The following SNAPC4 variants were observed in gnomAD, a reference collection of about 807,000 sequenced individuals.
SNAPC4 encodes the protein small nuclear RNA activating complex polypeptide 4.
In SNAPC4, 127 loss-of-function variants were observed where a neutral mutation model predicts 151.3. The observed-to-expected ratio is 0.84, with a 90% CI of 0.73 to 0.97. SNAPC4 has a LOEUF of 0.97. Among genes scored for constraint, SNAPC4 ranks in the 50% least tolerant of loss-of-function variants. The pLI is 0.00. For synonymous variants in SNAPC4, 1,002 were observed against 824.4 expected, an observed-to-expected ratio of 1.22 and a Z score of -3.69; for missense variants, 2,186 against 1,935.0, an observed-to-expected ratio of 1.13 and a Z score of -2.43.
At chr9:136,380,689 C>T (rs373557388) in intron 20 of SNAPC4, 51 bp downstream of exon 20, 26 of 1,077,836 alleles carry the variant, frequency 2.4e-5, no homozygotes, top group Admixed American at 7.3e-5. Flanking sequence ...CCCACTCCAA[C>T]GCCGGGGCGG....
chr9:136,381,259 C>A, intron 19 of SNAPC4, 63 bp downstream of exon 19: 2 of 1,386,676 alleles, frequency 1.4e-6, no homozygotes, highest in Middle Eastern at 1.8e-4. Flanking sequence ...CTGCAGATTT[C>A]AAAACTTCAC....
chr9:136,394,918 T>C (rs907935126), intron 5 of SNAPC4, 40 bp from the exon 6 acceptor site: 3 of 1,574,186 alleles, frequency 1.9e-6, no homozygotes, highest in Admixed American at 1.7e-5. Context: ...ACAGGCCACA[T>C]GTGCTCCCTG....
chr9:136,392,400 G>C (rs955068693), intron 9 of SNAPC4, 122 bp downstream of exon 9: 2 of 1,009,372 alleles, frequency 2.0e-6, no homozygotes, highest in Non-Finnish European at 3.1e-6. Context: ...CGGGTGGGTG[G>C]GGGGTCACAG....
intron 5 of SNAPC4, 41 bp from the exon 6 acceptor site, chr9:136,394,919 G>T: frequency 6.4e-7 from 1 of 1,572,890 alleles, no homozygotes; most frequent in Non-Finnish European, 8.7e-7. Context: ...CAGGCCACAT[G>T]TGCTCCCTGC....
chr9:136,381,485 C>A (rs948849054), intron 18 of SNAPC4, 93 bp from the exon 19 acceptor site: 2 of 1,189,172 alleles, frequency 1.7e-6, no homozygotes, highest in African/African-American at 1.5e-5. Flanking sequence ...ACGTGCCTTT[C>A]GAGGCGGCTC....
At chr9:136,388,362 G>T in intron 11 of SNAPC4, 82 bp downstream of exon 11, 1 of 1,449,662 alleles carries the variant, frequency 6.9e-7, no homozygotes, top group African/African-American at 1.4e-5. Context: ...TTGCTTCTCT[G>T]TGAATTTTCC....
At chr9:136,392,626 G>A (rs753720455) in intron 8 of SNAPC4, 32 bp from the exon 9 acceptor site, 35 of 1,613,384 alleles carry the variant, frequency 2.2e-5, no homozygotes, top group South Asian at 7.7e-5. Flanking sequence ...TTGGCACCAC[G>A]CCTGGCTTGT....
intron 6 of SNAPC4, 26 bp downstream of exon 6, chr9:136,394,774 G>T: frequency 6.2e-7 from 1 of 1,607,210 alleles, no homozygotes; most frequent in South Asian, 1.1e-5. Flanking sequence ...GCTCAGGGGT[G>T]CCGCAGGGCC....
In SNAPC4 at chr9:136,383,957, A is replaced by T. The variant is rs1833803690; in HGVS notation, c.1496T>A (p.Met499Lys). Residue 499 changes from methionine to lysine, a missense_variant, in exon 15 of 24, where the codon ATG becomes AAG. Transcript: ENST00000684778. The surrounding 1 kb of genome is among the most constrained non-coding windows in gnomAD (Gnocchi z 4.2). ...SQCLSKWKIM[M>K]GKKQGLRRRR... ...AAGAAGGAGCGAGTGGCTCACCCCC[A>T]TCATGATCTTCCACTTGCTCAGACA... The T allele has an allele frequency of 6.2e-7, 1 of 1,611,788 alleles. No homozygotes were observed.
rs1403376681 is a variant in SNAPC4, at chr9:136,383,470, GGACCATGTACTGT to G, written c.1686_1698del (p.Gln563ArgfsTer101). On this transcript the variant is annotated frameshift_variant, in exon 16 of 24. Transcript: ENST00000684778. LOFTEE classifies it high-confidence loss of function. The surrounding 1 kb of genome is among the most constrained non-coding windows in gnomAD (Gnocchi z 4.2). ...GCAGGAACCCACAGGTCCATGTCCGGGACCATGTACTGTGGGGACAGCAGCGCTCTGTCACCCT... is the reference window on the plus strand; with the variant it reads ...GCAGGAACCCACAGGTCCATGTCCGGGGGGACAGCAGCGCTCTGTCACCCT... The G allele has an allele frequency of 3.8e-6, 6 of 1,564,630 alleles. No individual in the cohort carries two copies. Among genetic ancestry groups the G allele is most frequent in the Non-Finnish European group, 5.2e-6 (6 of 1,154,810 alleles).
chr9:136,394,411 G>C, intron 6 of SNAPC4, 81 bp from the exon 7 acceptor site: 1 of 1,310,476 alleles, frequency 7.6e-7, no homozygotes, highest in South Asian at 1.2e-5. Flanking sequence ...TGCACTTCCC[G>C]AGGCAGTGGT....
chr9:136,387,363 C>T, intron 13 of SNAPC4, 122 bp downstream of exon 13: 1 of 764,052 alleles, frequency 1.3e-6, no homozygotes, highest in Middle Eastern at 3.6e-4. Flanking sequence ...CAGCGACCCA[C>T]ACGGGCCCCT....
intron 13 of SNAPC4, among the ~76,000 whole-genome samples, chr9:136,386,035 G>T (rs915609806): frequency 1.3e-5 from 2 of 152,026 alleles, no homozygotes; most frequent in Admixed American, 1.3e-4. Flanking sequence ...AATCTTGGGG[G>T]TATAATTCTA....
intron 17 of SNAPC4, 66 bp from the exon 18 acceptor site, chr9:136,382,139 G>A: frequency 5.1e-6 from 8 of 1,566,884 alleles, no homozygotes; most frequent in Non-Finnish European, 6.9e-6. Context: ...ACCCTGCCCA[G>A]TGGCCAGTGC....
At chr9:136,386,174 C>G (rs1302777075) in intron 13 of SNAPC4, among the ~76,000 whole-genome samples, 1 of 150,924 alleles carries the variant, frequency 6.6e-6, no homozygotes, top group South Asian at 2.1e-4. Context: ...TAACAGCCAT[C>G]CCAACGCGTG....
chr9:136,379,518 C>T (rs1267520829), intron 21 of SNAPC4, among the ~76,000 whole-genome samples: 1 of 152,234 alleles, frequency 6.6e-6, no homozygotes, highest in Admixed American at 6.5e-5. Context: ...CTGGGAAACC[C>T]AGCCCATTTA....
rs1209985462 is a variant in SNAPC4, at chr9:136,378,840, G to C, written c.2987C>G (p.Ala996Gly). The change falls in exon 22 of 24, where the codon GCC becomes GGC. Residue 996 changes from alanine (A) to glycine (G), a missense_variant. Coordinates refer to ENST00000684778, the MANE Select transcript of SNAPC4 (RefSeq NM_003086.4). ...GGAAGCAGCAGGGGCTGTGCCCTCGGCCTCTGAGAAGACAGGAGCGAGGGG... is the reference window on the plus strand; with the variant it reads ...GGAAGCAGCAGGGGCTGTGCCCTCGCCCTCTGAGAAGACAGGAGCGAGGGG... ...ALPLAPVFSE[A>G]EGTAPAASQA... 1 of 1,605,510 alleles carries C rather than the reference G, an allele frequency of 6.2e-7. No homozygotes were observed. Among genetic ancestry groups the C allele is most frequent in the Non-Finnish European group, 8.5e-7 (1 of 1,176,304 alleles).
chr9:136,387,795 T>C lies in SNAPC4; in HGVS notation c.1177A>G (p.Lys393Glu). 6.2e-7 allele frequency: 1 copy of C among 1,613,348 alleles called. No individual in the cohort carries two copies. The highest frequency in any genetic ancestry group is 8.5e-7 in the Non-Finnish European group (1 of 1,179,376). Reference protein sequence around the residue: ...DSMQLIYRWTKSLDPGLKKGY... With the variant: ...DSMQLIYRWTESLDPGLKKGY... ...TTCTTCAGACCAGGATCCAAGCTCT[T>C]GGTCCATCGGTAGATCAGCTGCATG... is the stretch of plus-strand genomic sequence containing the variant. The change falls in exon 12 of 24, where the codon AAG (lysine) becomes GAG (glutamate). Residue 393 changes from lysine (K) to glutamate (E), a missense_variant. By Grantham distance (56) the Lys-to-Glu change is moderately conservative. Coordinates refer to ENST00000684778, the MANE Select transcript of SNAPC4 (RefSeq NM_003086.4).
chr9:136,379,804 C>T (rs1392557234), intron 21 of SNAPC4, 33 bp downstream of exon 21: 1 of 1,609,306 alleles, frequency 6.2e-7, no homozygotes, highest in Admixed American at 1.7e-5. Context: ...CAGGTTAGGT[C>T]TCTTCCCCAC....
Sources: gnomAD v4.1 joint callset for allele counts (sites outside exome capture counted in the v4.1 genomes callset) on GRCh38, gnomAD v4.1.1 for gene constraint, Gnocchi (gnomAD v3.1) non-coding constraint, MANE v1.5 for transcripts, NCBI Gene and HGNC (gene_info 2026-07-23, HGNC 2026-07-21) for gene names.